Variants in RHOBTB1 observed in about 807,000 individuals in gnomAD.
RHOBTB1 encodes the protein rho-related BTB domain-containing protein 1.
In RHOBTB1, 40 loss-of-function variants were observed where a neutral mutation model predicts 71.6. The observed-to-expected ratio is 0.56, with a 90% CI of 0.43 to 0.73. The LOEUF (loss-of-function observed/expected upper bound fraction) is 0.73, where lower values mean the gene tolerates loss of function less well. Among genes scored for constraint, RHOBTB1 ranks in the 30% least tolerant of loss-of-function variants. The pLI, the probability that RHOBTB1 is intolerant of heterozygous loss-of-function variation, is 0.00. For synonymous variants in RHOBTB1, 319 were observed against 334.9 expected, an observed-to-expected ratio of 0.95 and a Z score of 0.52; for missense variants, 797 against 894.0, an observed-to-expected ratio of 0.89 and a Z score of 1.38.
At chr10:60,896,685 A>G (rs1307128541) in intron 4 of RHOBTB1, among the ~76,000 whole-genome samples, 1 of 152,224 alleles carries the variant, frequency 6.6e-6, no homozygotes, top group Non-Finnish European at 1.5e-5. Context: ...GCCCTTGCCC[A>G]CGGAATGTTT....
At chr10:60,912,726 A>G (rs762133389) in intron 2 of RHOBTB1, 14 of 152,202 alleles carry the variant, frequency 9.2e-5, no homozygotes, top group Non-Finnish European at 1.6e-4. Flanking sequence ...GAAAAAAAGC[A>G]CCTGCCAGCT....
intron 2 of RHOBTB1, among the ~76,000 whole-genome samples, chr10:60,955,043 C>CTTTTTTTTTTTTTT (rs34012455): frequency 8.9e-6 from 1 of 112,836 alleles, no homozygotes; most frequent in Non-Finnish European, 1.8e-5. Flanking sequence ...TTCTTTCTTT[C>CTTTTTTTTTTTTTT]TTTTTTTTTT....
Position 60,889,036 on chromosome 10 carries a change from C to A in RHOBTB1, c.632G>T (p.Arg211Leu). The A allele has an allele frequency of 6.2e-7, 1 of 1,614,090 alleles. No homozygotes were observed. Among genetic ancestry groups the A allele is most frequent in the Non-Finnish European group, 8.5e-7 (1 of 1,180,008 alleles). Residue 211 changes from arginine to leucine, a missense_variant, in exon 6 of 11, where the codon CGC (arginine) becomes CTC (leucine). Coordinates refer to ENST00000337910, the MANE Select transcript of RHOBTB1 (RefSeq NM_014836.5). ...GGATTTCCAGAATTGCAGGTGCCTG[C>A]GGGAAATCAGCGCTGCTCGGATTGC... is the stretch of plus-strand genomic sequence containing the variant. ...DNAIRAALIS[R>L]RHLQFWKSHL...
intron 2 of RHOBTB1, among the ~76,000 whole-genome samples, chr10:60,950,521 A>T (rs571382454): frequency 1.5e-4 from 23 of 152,344 alleles, no homozygotes; most frequent in African/African-American, 5.5e-4. Context: ...TAACAGAAAG[A>T]GAAAGAAAGC....
chr10:60,878,148 G>C, intron 7 of RHOBTB1, 90 bp from the exon 8 acceptor site: 1 of 1,023,924 alleles, frequency 9.8e-7, no homozygotes, highest in African/African-American at 1.6e-5. Flanking sequence ...TATCCTGTGT[G>C]ACTTGATATT....
intron 2 of RHOBTB1, among the ~76,000 whole-genome samples, chr10:60,914,045 C>T (rs2083138288): frequency 6.6e-6 from 1 of 152,196 alleles, no homozygotes; most frequent in African/African-American, 2.4e-5. Context: ...GAATTAGATG[C>T]AAACTCATAA....
intron 7 of RHOBTB1, among the ~76,000 whole-genome samples, chr10:60,880,130 T>TG (rs201736734): frequency 1.4e-5 from 2 of 146,668 alleles, no homozygotes; most frequent in African/African-American, 2.5e-5. Context: ...CTGTCTGAGT[T>TG]GGGGGGGTGG....
At chr10:60,893,265 G>A (rs2082010264) in intron 4 of RHOBTB1, among the ~76,000 whole-genome samples, 1 of 152,168 alleles carries the variant, frequency 6.6e-6, no homozygotes, top group Non-Finnish European at 1.5e-5. Context: ...TTTTATGGTA[G>A]AGATGATTAC....
At chr10:60,970,285 C>T (rs2086110240) in intron 2 of RHOBTB1, among the ~76,000 whole-genome samples, 1 of 151,906 alleles carries the variant, frequency 6.6e-6, no homozygotes, top group Non-Finnish European at 1.5e-5. Flanking sequence ...TACAGTGGGG[C>T]TTAGGTGATT....
At chr10:60,991,635 G>C (rs764584901) in intron 1 of RHOBTB1, among the ~76,000 whole-genome samples, 2 of 151,950 alleles carry the variant, frequency 1.3e-5, no homozygotes, top group Non-Finnish European at 2.9e-5. Flanking sequence ...GTTTCACCAT[G>C]TTGGCCAGGC....
intron 2 of RHOBTB1, among the ~76,000 whole-genome samples, chr10:60,978,932 A>G (rs542744869): frequency 1.3e-5 from 2 of 152,230 alleles, no homozygotes; most frequent in Admixed American, 6.6e-5. Context: ...CTCTTCTTCT[A>G]TGATATGATA....
At chr10:60,951,044 C>A (rs2085392342) in intron 2 of RHOBTB1, among the ~76,000 whole-genome samples, 2 of 152,164 alleles carry the variant, frequency 1.3e-5, no homozygotes, top group Non-Finnish European at 2.9e-5. Context: ...TACACAAACA[C>A]CCTACTTCAG....
At chr10:60,891,395 A>G (rs1208622860) in intron 5 of RHOBTB1, among the ~76,000 whole-genome samples, 1 of 129,342 alleles carries the variant, frequency 7.7e-6, no homozygotes, top group African/African-American at 3.1e-5. Flanking sequence ...GGCTGGAGTG[A>G]AGTGGTGCAA....
chr10:60,890,366 C>T (rs1016951008), intron 5 of RHOBTB1, among the ~76,000 whole-genome samples: 1 of 152,076 alleles, frequency 6.6e-6, no homozygotes, highest in East Asian at 1.9e-4. Flanking sequence ...ACAACTATGA[C>T]CTGGCGGCAG....
intron 2 of RHOBTB1, among the ~76,000 whole-genome samples, chr10:60,959,756 T>G (rs1006913972): frequency 2.0e-5 from 3 of 152,142 alleles, no homozygotes; most frequent in Non-Finnish European, 4.4e-5. Flanking sequence ...AATAACTAGA[T>G]GGGACTTGGA....
At chr10:60,936,330 T>C (rs866045006) in intron 2 of RHOBTB1, among the ~76,000 whole-genome samples, 1 of 152,242 alleles carries the variant, frequency 6.6e-6, no homozygotes, top group African/African-American at 2.4e-5. Flanking sequence ...ACTGGCTATA[T>C]TGAATTTATA....
chr10:60,867,990 T>A (rs2080646013), downstream of RHOBTB1, among the ~76,000 whole-genome samples: 1 of 152,196 alleles, frequency 6.6e-6, no homozygotes, highest in African/African-American at 2.4e-5. Flanking sequence ...AAATAATATA[T>A]CTGTGGCTCA....
At chr10:60,880,809 G>A (rs994070778) in intron 7 of RHOBTB1, among the ~76,000 whole-genome samples, 1 of 152,126 alleles carries the variant, frequency 6.6e-6, no homozygotes, top group African/African-American at 2.4e-5. Context: ...GTTACACTGC[G>A]TGTATGCTCG....
intron 2 of RHOBTB1, among the ~76,000 whole-genome samples, chr10:60,963,777 C>T (rs985266100): frequency 2.0e-5 from 3 of 152,144 alleles, no homozygotes; most frequent in African/African-American, 7.2e-5. Context: ...AATTTAGTAT[C>T]ACTTTCCAAA....
Sources: gnomAD v4.1 joint callset for allele counts (sites outside exome capture counted in the v4.1 genomes callset) on GRCh38, gnomAD v4.1.1 for gene constraint, MANE v1.5 for transcripts, NCBI Gene and HGNC (gene_info 2026-07-23, HGNC 2026-07-21) for gene names.